PREX1: variants seen among roughly 807,000 people sequenced by gnomAD.
PREX1 encodes phosphatidylinositol 3,4,5-trisphosphate-dependent Rac exchanger 1 protein.
A neutral mutation model predicts 198.3 loss-of-function variants in PREX1; 41 were observed. That is an observed-to-expected ratio of 0.21 (90% CI 0.16 to 0.27). The LOEUF (loss-of-function observed/expected upper bound fraction) is 0.27, where lower values mean the gene tolerates loss of function less well. Ranked by LOEUF, PREX1 falls within the 10% of genes least tolerant of loss-of-function variation. The pLI is 1.00. For synonymous variants in PREX1, 843 were observed against 887.2 expected, an observed-to-expected ratio of 0.95 and a Z score of 0.89; for missense variants, 1,620 against 2,200.7, an observed-to-expected ratio of 0.74 and a Z score of 5.28.
In PREX1 at chr20:48,684,693, G is replaced by C. The variant is rs1174087529; in HGVS notation, c.1335-3358C>G. Among the ~76,000 whole-genome samples, 1 of 152,122 alleles carries C rather than the reference G, an allele frequency of 6.6e-6. No homozygotes were observed. The highest frequency in any genetic ancestry group is 1.5e-5 in the Non-Finnish European group (1 of 68,026). ...GATCCTCATCTCACTCCACTACCGA[G>C]ACTCCTCCAGTGGCTTCCCACAGCA... On this transcript the variant is annotated intron_variant, in intron 10 of 39. Coordinates refer to ENST00000371941, the MANE Select transcript of PREX1 (RefSeq NM_020820.4). The surrounding 1 kb of genome is among the most constrained non-coding windows in gnomAD (Gnocchi z 4.2).
chr20:48,789,699 G>C (rs1036133156), intron 1 of PREX1, among the ~76,000 whole-genome samples: 1 of 152,310 alleles, frequency 6.6e-6, no homozygotes, highest in Non-Finnish European at 1.5e-5. Flanking sequence ...TAAAAAGGGA[G>C]GAGGTTCAGA....
At position 48,745,006 on chromosome 20, in the gene PREX1, G is replaced by A; in HGVS notation, c.414+19C>T. ...TTTCAAAAACTAGAGTCCACCAGGG[G>A]CAGTGGCATGGTACTCACGAATTTT... On this transcript the variant is annotated intron_variant, in intron 3 of 39. Transcript: ENST00000371941. The A allele has an allele frequency of 6.2e-7, 1 of 1,612,556 alleles. No homozygotes were observed. The highest frequency in any genetic ancestry group is 1.3e-5 in the African/African-American group (1 of 75,030).
the PREX1 span, among the ~76,000 whole-genome samples, chr20:48,881,087 G>A: frequency 1.7e-4 from 25 of 149,222 alleles, no homozygotes; most frequent in Non-Finnish European, 3.4e-4. Context: ...ACATGTGGAC[G>A]ATATCCTCAC....
chr20:48,768,581 T>C (rs1323567503), intron 1 of PREX1, among the ~76,000 whole-genome samples: 1 of 151,846 alleles, frequency 6.6e-6, no homozygotes, highest in Non-Finnish European at 1.5e-5. Flanking sequence ...ATCACTTGAG[T>C]TCAGGAGTTC....
intron 21 of PREX1, 104 bp downstream of exon 21, chr20:48,652,482 C>T: frequency 2.8e-6 from 4 of 1,420,558 alleles, no homozygotes; most frequent in Non-Finnish European, 3.8e-6. Context: ...TGGAGGTGGA[C>T]TGGCTGGGAG....
chr20:48,741,344 T>C (rs543473497), intron 3 of PREX1, among the ~76,000 whole-genome samples: 1 of 150,080 alleles, frequency 6.7e-6, no homozygotes, highest in South Asian at 2.2e-4. Context: ...CGATTTTTTT[T>C]TTATTTTATT....
intron 7 of PREX1, 130 bp from the exon 8 acceptor site, chr20:48,692,920 G>GCAA: frequency 1.3e-6 from 1 of 746,258 alleles, no homozygotes; most frequent in Non-Finnish European, 2.4e-6. Context: ...GTAGGGGTCA[G>GCAA]GAGCAGGAGT....
rs186520417 is a variant in PREX1, at chr20:48,752,314, A to G, written c.220-4434T>C. ...TAAGCAAGAGAGAATATTGTTTTGCATGTTCACAACATTTTTATAAGTAGC... is the reference window on the plus strand; with the variant it reads ...TAAGCAAGAGAGAATATTGTTTTGCGTGTTCACAACATTTTTATAAGTAGC... On this transcript the variant is annotated intron_variant, in intron 1 of 39. Coordinates refer to ENST00000371941, the MANE Select transcript of PREX1 (RefSeq NM_020820.4). 2.0e-5 allele frequency among the ~76,000 whole-genome samples: 3 copies of G among 152,344 alleles called. No individual in the cohort carries two copies. In the East Asian group the frequency reaches 5.8e-4, roughly 29 times the overall value.
At chr20:48,659,301 A>G (rs1326583599) in intron 16 of PREX1, among the ~76,000 whole-genome samples, 2 of 145,776 alleles carry the variant, frequency 1.4e-5, no homozygotes, top group Non-Finnish European at 3.0e-5. Context: ...AAAGAAAACA[A>G]GAAAAGAGAA....
chr20:48,824,686 G>C (rs1410378913), intron 1 of PREX1, among the ~76,000 whole-genome samples: 2 of 152,082 alleles, frequency 1.3e-5, no homozygotes, highest in South Asian at 2.1e-4. Flanking sequence ...GGCTCAAACA[G>C]GTTAAGGTGT....
intron 5 of PREX1, among the ~76,000 whole-genome samples, chr20:48,716,204 TGTG>T (rs1319698579): frequency 6.6e-6 from 1 of 152,070 alleles, no homozygotes; most frequent in Non-Finnish European, 1.5e-5. Context: ...TCGAGTCCTG[TGTG>T]GTTTCGCGAG....
chr20:48,752,419 T>C (rs144751444), intron 1 of PREX1, among the ~76,000 whole-genome samples: 23 of 152,342 alleles, frequency 1.5e-4, no homozygotes, highest in Non-Finnish European at 2.1e-4. Flanking sequence ...CTGGGCAACA[T>C]CTGCTATCCA....
intron 1 of PREX1, among the ~76,000 whole-genome samples, chr20:48,819,655 G>A (rs1433611422): frequency 6.6e-6 from 1 of 152,218 alleles, no homozygotes; most frequent in East Asian, 1.9e-4. Context: ...GAAGCATGTG[G>A]CACAGTACCT....
At chr20:48,721,876 G>A (rs2089987936) in intron 5 of PREX1, among the ~76,000 whole-genome samples, 1 of 152,172 alleles carries the variant, frequency 6.6e-6, no homozygotes, top group South Asian at 2.1e-4. Context: ...GAGACATGGG[G>A]GTGGGGAAAG....
intron 14 of PREX1, among the ~76,000 whole-genome samples, chr20:48,668,312 G>A (rs192226975): frequency 7.2e-5 from 11 of 152,338 alleles, no homozygotes; most frequent in East Asian, 1.9e-4. Flanking sequence ...GCCCGTGGGG[G>A]CCAGGAGCCG....
chr20:48,874,825 C>A, the PREX1 span, among the ~76,000 whole-genome samples: 7 of 149,508 alleles, frequency 4.7e-5, no homozygotes, highest in African/African-American at 1.7e-4. Context: ...TGTAGTGAGC[C>A]GAGATCACAC....
intron 1 of PREX1, among the ~76,000 whole-genome samples, chr20:48,785,974 C>A (rs1429850400): frequency 6.6e-6 from 1 of 152,168 alleles, no homozygotes; most frequent in African/African-American, 2.4e-5. Flanking sequence ...CCGGTGCCTT[C>A]CAGCAGGGGG....
intron 1 of PREX1, among the ~76,000 whole-genome samples, chr20:48,759,549 C>CAAAAAAAAAAAAAAAAAAA (rs386393896): frequency 8.8e-4 from 65 of 73,832 alleles, no homozygotes; most frequent in Middle Eastern, 7.4e-3. Context: ...GATTCCATCT[C>CAAAAAAAAAAAAAAAAAAA]AAAAAAAAAA....
At chr20:48,858,891 A>G in the PREX1 span, among the ~76,000 whole-genome samples, 1 of 151,764 alleles carries the variant, frequency 6.6e-6, no homozygotes, top group Admixed American at 6.6e-5. Context: ...TTTTTATTTT[A>G]TTTTATTTTA....
Sources: allele counts gnomAD v4.1 joint callset (sites outside exome capture counted in the v4.1 genomes callset), GRCh38; gene constraint gnomAD v4.1.1; non-coding constraint Gnocchi (gnomAD v3.1); transcripts MANE v1.5; gene names NCBI Gene and HGNC (gene_info 2026-07-23, HGNC 2026-07-21).